Variants in GPM6B observed in about 807,000 individuals in gnomAD.
GPM6B encodes the protein glycoprotein M6B, also known as neuronal membrane glycoprotein M6-b.
GPM6B carries 4 observed loss-of-function variants against 27.2 expected under a neutral mutation model. The observed-to-expected ratio is 0.15, with a 90% CI of 0.07 to 0.34. The LOEUF is 0.34. GPM6B is among the 10% of genes least tolerant of loss of function. The pLI, the probability that GPM6B is intolerant of heterozygous loss-of-function variation, is 1.00. For synonymous variants in GPM6B, 124 were observed against 103.1 expected (o/e 1.20, Z -1.23); for missense variants, 183 against 261.9 (o/e 0.70, Z 2.08).
rs1569275552 is a variant in GPM6B, at chrX:13,871,089, C to CA, written c.-198+67237dup. Reference sequence around the variant, plus strand: ...CTCTAAAACAAAAACAAAAACAAAACAAAACAAAACAAAACAAAACAAAAC... The same window carrying CA: ...CTCTAAAACAAAAACAAAAACAAAACAAAAACAAAACAAAACAAAACAAAAC... On this transcript the variant is annotated intron_variant, in intron 1 of 6. Transcript: ENST00000398361. 2.6e-3 allele frequency among the ~76,000 whole-genome samples: 92 copies of CA among 35,862 alleles called. 1 individual carries two copies. Among genetic ancestry groups the CA allele is most frequent in the African/African-American group, 5.1e-3 (82 of 16,082 alleles). 31.1% of individuals were successfully genotyped at this position (35,862 alleles called of 115,157 possible).
At chrX:13,885,199 G>A (rs1233513370) in intron 1 of GPM6B, among the ~76,000 whole-genome samples, 1 of 111,499 alleles carries the variant, frequency 9.0e-6, no homozygotes, top group African/African-American at 3.3e-5. Flanking sequence ...ATACACGGAG[G>A]ATTGGTTTAC....
chrX:13,933,032 G>A (rs145470389), intron 1 of GPM6B, among the ~76,000 whole-genome samples: 4 of 67,876 alleles, frequency 5.9e-5, no homozygotes, highest in African/African-American at 1.6e-4. Context: ...AATAATTTAC[G>A]TAATTTACCC....
In GPM6B at chrX:13,930,070, A is replaced by G. The variant is rs914502173; in HGVS notation, c.-198+8257T>C. 2.8e-4 allele frequency among the ~76,000 whole-genome samples: 31 copies of G among 112,136 alleles called. 1 individual carries two copies. Among genetic ancestry groups the G allele is most frequent in the African/African-American group, 1.0e-3 (31 of 30,939 alleles). On this transcript the variant is annotated intron_variant, in intron 1 of 6. Transcript: ENST00000398361. Reference sequence around the variant, plus strand: ...AATTATATACAGCCATTAAGAGTAAAATTCCAAAGATCAGGTTTAAATACT... The same window carrying G: ...AATTATATACAGCCATTAAGAGTAAGATTCCAAAGATCAGGTTTAAATACT...
chrX:13,777,354 C>G lies in GPM6B; in HGVS notation c.769G>C (p.Glu257Gln). 8.4e-7 allele frequency: 1 copy of G among 1,193,095 alleles called. No homozygotes were observed. The highest frequency in any genetic ancestry group is 1.8e-5 in the South Asian group (1 of 56,552). Residue 257 changes from glutamate (E) to glutamine (Q), a missense_variant and splice_region_variant, in exon 6 of 8, where the codon GAG (glutamate) becomes CAG (glutamine). Coordinates refer to ENST00000316715, the MANE Select transcript of GPM6B (RefSeq NM_001001995.3). ...SALENICNTN[E>Q]FYMSYHLFIV... The stretch of plus-strand genomic sequence containing the variant: ...ATTCTGAACTGTGATGAGTTTACCT[C>G]GTTTGTGTTGCAGATGTTCTCCAGG...
intron 2 of GPM6B, among the ~76,000 whole-genome samples, chrX:13,797,148 T>C (rs1473313890): frequency 1.8e-5 from 2 of 112,490 alleles, no homozygotes; most frequent in Non-Finnish European, 3.8e-5. Flanking sequence ...CTGGATTCCA[T>C]TCCATTCAAT....
intron 1 of GPM6B, among the ~76,000 whole-genome samples, chrX:13,928,767 T>C (rs1227854880): frequency 8.9e-6 from 1 of 112,267 alleles, no homozygotes; most frequent in African/African-American, 3.2e-5. Context: ...GCACATACAA[T>C]ATAGCAGGTT....
chrX:13,810,509 C>A (rs2049109871), intron 1 of GPM6B, among the ~76,000 whole-genome samples: 1 of 111,342 alleles, frequency 9.0e-6, no homozygotes, highest in Non-Finnish European at 1.9e-5. Context: ...ACCTCTAGAT[C>A]CCCCACCATG....
intron 1 of GPM6B, among the ~76,000 whole-genome samples, chrX:13,810,480 C>T (rs1394206975): frequency 9.0e-6 from 1 of 111,522 alleles, no homozygotes; most frequent in Non-Finnish European, 1.9e-5. Context: ...CACCCTGGGA[C>T]CCTGTGGACC....
intron 2 of GPM6B, among the ~76,000 whole-genome samples, chrX:13,802,693 C>T (rs144852688): frequency 1.8e-5 from 2 of 111,668 alleles, no homozygotes; most frequent in African/African-American, 6.5e-5. Context: ...AAACAAAAGG[C>T]AAAGTACTCT....
upstream of GPM6B, among the ~76,000 whole-genome samples, chrX:13,817,821 C>G (rs757087217): frequency 6.2e-5 from 7 of 112,094 alleles, no homozygotes. Flanking sequence ...AAACTCAAGC[C>G]TAATTTGTAA....
At chrX:13,810,357 A>G (rs2049106271) in intron 1 of GPM6B, among the ~76,000 whole-genome samples, 1 of 111,841 alleles carries the variant, frequency 8.9e-6, no homozygotes, top group Non-Finnish European at 1.9e-5. Flanking sequence ...AAGTAGTTCT[A>G]TCACTTTTGA....
At chrX:13,880,675 C>CAAAAAAAAAAAAAAAAAAAAAAAAAAAAA (rs57849359) in intron 1 of GPM6B, among the ~76,000 whole-genome samples, 9 of 46,611 alleles carry the variant, frequency 1.9e-4, no homozygotes, top group South Asian at 2.2e-3. Flanking sequence ...GGCTCCATCT[C>CAAAAAAAAAAAAAAAAAAAAAAAAAAAAA]AAAAAAAAAA....
chrX:13,807,933 C>T (rs2049053604), intron 1 of GPM6B, among the ~76,000 whole-genome samples, 164 bp from the exon 2 acceptor site: 1 of 112,336 alleles, frequency 8.9e-6, no homozygotes, highest in Admixed American at 9.4e-5. Flanking sequence ...AGAATGTCCT[C>T]CGTTTCTAAA....
At chrX:13,921,085 T>C (rs780443745) in intron 1 of GPM6B, among the ~76,000 whole-genome samples, 1 of 112,197 alleles carries the variant, frequency 8.9e-6, no homozygotes, top group Admixed American at 9.5e-5. Flanking sequence ...TTATGTTTCA[T>C]TATCATAAAG....
intron 2 of GPM6B, 97 bp from the exon 3 acceptor site, chrX:13,785,905 A>G: frequency 1.5e-6 from 1 of 669,105 alleles, no homozygotes; most frequent in South Asian, 3.0e-5. Flanking sequence ...ACAATTTTCC[A>G]TCTCCCCTCT....
At chrX:13,801,484 T>C (rs1164901858) in intron 2 of GPM6B, among the ~76,000 whole-genome samples, 4 of 112,515 alleles carry the variant, frequency 3.6e-5, no homozygotes, top group South Asian at 3.7e-4. Context: ...AATTCAAGGA[T>C]TGGCAATTGT....
At position 13,789,406 on chromosome X, in the gene GPM6B, T is replaced by C. The variant is rs184435963; in HGVS notation, c.182-3598A>G. ...ATGTGTTTATTTAGGAGCTAGAGGATATAGGTAATATAGGAGCTAGACCAC... is the reference window on the plus strand; with the variant it reads ...ATGTGTTTATTTAGGAGCTAGAGGACATAGGTAATATAGGAGCTAGACCAC... On this transcript the variant is annotated intron_variant, in intron 2 of 7. Coordinates refer to ENST00000316715, the MANE Select transcript of GPM6B (RefSeq NM_001001995.3). Among the ~76,000 whole-genome samples the C allele has an allele frequency of 4.5e-5, 5 of 111,863 alleles. No individual in the cohort carries two copies. The East Asian group carries it at 8.4e-4, about 19-fold the overall frequency.
chrX:13,903,446 T>C (rs971672245), intron 1 of GPM6B, among the ~76,000 whole-genome samples: 17 of 112,045 alleles, frequency 1.5e-4, no homozygotes, highest in African/African-American at 4.2e-4. Context: ...AATGAGGAAA[T>C]TGAAGCTCAG....
At chrX:13,819,153 C>T (rs757585855), upstream of GPM6B, among the ~76,000 whole-genome samples, 1 of 112,295 alleles carries the variant, frequency 8.9e-6, no homozygotes, top group Non-Finnish European at 1.9e-5. Flanking sequence ...ATCTACTTTC[C>T]ACCTGAAAAA....
Sources: gnomAD v4.1 joint callset for allele counts (sites outside exome capture counted in the v4.1 genomes callset) on GRCh38, gnomAD v4.1.1 for gene constraint, MANE v1.5 for transcripts, NCBI Gene and HGNC (gene_info 2026-07-23, HGNC 2026-07-21) for gene names.